The following ARSH variants were observed in gnomAD, a reference collection of about 807,000 sequenced individuals.
ARSH encodes the protein arylsulfatase H.
A neutral mutation model predicts 28.7 loss-of-function variants in ARSH; 32 were observed. The observed-to-expected ratio is 1.11, with a 90% confidence interval of 0.84 to 1.50. The LOEUF is 1.50. Ranked by LOEUF, ARSH falls within the 40% of genes most tolerant of loss-of-function variation. ARSH has a pLI of 0.00. For missense variants in ARSH, 440 were observed against 452.4 expected (o/e 0.97, Z 0.25); for synonymous variants, 176 against 177.3 (o/e 0.99, Z 0.06).
At chrX:3,013,540 T>C (rs1289208983) in intron 3 of ARSH, among the ~76,000 whole-genome samples, 1 of 101,322 alleles carries the variant, frequency 9.9e-6, no homozygotes, top group Non-Finnish European at 2.0e-5. Context: ...ATGGAGGCAA[T>C]TGCTGGTCGA....
At chrX:3,009,905 A>G in intron 1 of ARSH, 125 bp from the exon 2 acceptor site, 2 of 844,567 alleles carry the variant, frequency 2.4e-6, no homozygotes, top group Non-Finnish European at 3.3e-6. Flanking sequence ...AAAGTTTTAA[A>G]AAGATGGATT....
At chrX:3,026,216 C>T (rs757396234) in intron 6 of ARSH, among the ~76,000 whole-genome samples, 2 of 110,783 alleles carry the variant, frequency 1.8e-5, no homozygotes, top group Admixed American at 9.7e-5. Flanking sequence ...GAGGGAGGCT[C>T]GCTTGAGCCC....
chrX:3,008,061 AC>A (rs1386315646), intron 1 of ARSH, among the ~76,000 whole-genome samples: 1 of 112,119 alleles, frequency 8.9e-6, no homozygotes, highest in Admixed American at 9.5e-5. Context: ...TGGGAGGGAC[AC>A]AATTTAGCTC....
chrX:3,021,526 G>T (rs956258733), intron 5 of ARSH, among the ~76,000 whole-genome samples: 10 of 110,838 alleles, frequency 9.0e-5, no homozygotes, highest in African/African-American at 3.3e-4. Context: ...AACAATATGA[G>T]TATAAAACTC....
At position 3,006,681 on chromosome X, in the gene ARSH, C is replaced by T. The variant is rs745367769; in HGVS notation, c.69C>T (p.Cys23=). 4.1e-6 allele frequency: 5 copies of T among 1,207,716 alleles called. No individual in the cohort carries two copies. The South Asian group carries it at 7.1e-5, about 17-fold the overall frequency. ...MADDLGVGDL[C]CYGNNSVSTP... ...ATGACCTTGGAGTGGGGGATTTGTG[C>T]TGCTACGGTAATAACTCAGTGAGGT... Residue 23 remains cysteine (C), a synonymous_variant, in exon 1 of 9, where the codon TGC becomes TGT. Transcript: ENST00000381130.
chrX:3,028,881 C>T (rs1471356490), intron 7 of ARSH, among the ~76,000 whole-genome samples: 3 of 109,754 alleles, frequency 2.7e-5, no homozygotes, highest in Non-Finnish European at 3.8e-5. Flanking sequence ...AGTTCGAGAC[C>T]AGCCTGGCCA....
intron 2 of ARSH, among the ~76,000 whole-genome samples, chrX:3,010,465 G>T (rs1340375377): frequency 8.9e-6 from 1 of 111,806 alleles, no homozygotes; most frequent in Non-Finnish European, 1.9e-5. Context: ...CTTTAAGCTA[G>T]CAGAGACCAT....
chrX:3,017,556 AAAAT>A (rs1471457339), intron 4 of ARSH, among the ~76,000 whole-genome samples: 4 of 112,100 alleles, frequency 3.6e-5, no homozygotes, highest in Non-Finnish European at 7.5e-5. Context: ...ACTTTGTCTC[AAAAT>A]AAATAAATAC....
intron 5 of ARSH, among the ~76,000 whole-genome samples, chrX:3,020,674 A>C (rs1228912183): frequency 1.8e-5 from 2 of 110,918 alleles, no homozygotes; most frequent in African/African-American, 6.5e-5. Flanking sequence ...AATGGGGAGA[A>C]AAAAGGAATG....
At chrX:3,013,489 T>G (rs189330412) in intron 3 of ARSH, among the ~76,000 whole-genome samples, 1,138 of 107,568 alleles carry the variant, frequency 0.011, 24 homozygotes, top group African/African-American at 0.036. Flanking sequence ...TGTAGAGAAG[T>G]ACTGTTGAAA....
In ARSH at chrX:3,018,558, C is replaced by CT. The variant is rs747035216; in HGVS notation, c.796dup (p.Ser266PhefsTer20). 13 of 1,210,603 alleles carry CT rather than the reference C, an allele frequency of 1.1e-5. No individual in the cohort carries two copies. The highest frequency in any genetic ancestry group is 1.1e-4 in the South Asian group (6 of 56,809). On this transcript the variant is annotated frameshift_variant, in exon 5 of 9. Transcript: ENST00000381130. LOFTEE classifies it high-confidence loss of function. ...GGTACAAAAGGGAACCTTTTCTCCT[C>CT]TTTTTTTCCTTCCTGCACGTACATA...
chrX:3,018,498 T>C (rs770899753), intron 4 of ARSH, 36 bp from the exon 5 acceptor site: 1 of 1,189,571 alleles, frequency 8.4e-7, no homozygotes, highest in South Asian at 1.8e-5. Context: ...GACTTCATAT[T>C]TGTGAAGGTA....
chrX:3,017,831 A>C (rs2089870059), intron 4 of ARSH, among the ~76,000 whole-genome samples: 1 of 111,978 alleles, frequency 8.9e-6, no homozygotes, highest in Admixed American at 9.5e-5. Context: ...GTCTGTCCTT[A>C]AGATATGATT....
At chrX:3,019,860 C>T (rs2089876716) in intron 5 of ARSH, among the ~76,000 whole-genome samples, 1 of 110,973 alleles carries the variant, frequency 9.0e-6, no homozygotes, top group South Asian at 3.8e-4. Flanking sequence ...CTAGTGGTGT[C>T]GGATAGGACA....
intron 1 of ARSH, among the ~76,000 whole-genome samples, chrX:3,007,247 TAA>T (rs60947162): frequency 0.062 from 5,710 of 92,058 alleles, 182 homozygotes; most frequent in African/African-American, 0.11. Flanking sequence ...AGACTCTGTT[TAA>T]AAAAAAAAAA....
intron 3 of ARSH, 77 bp from the exon 4 acceptor site, chrX:3,014,893 G>T: frequency 9.9e-7 from 1 of 1,009,317 alleles, no homozygotes; most frequent in East Asian, 3.1e-5. Flanking sequence ...CTTTTCCAAA[G>T]GGAAGCCCAC....
rs970396921 is a variant in ARSH, at chrX:3,033,547, A to C, written c.*162A>C. On this transcript the variant is annotated 3_prime_UTR_variant, in exon 9 of 9. Transcript: ENST00000381130. ...TCTTTCAAGAGCTCGGTGAAATTAAAGTGGGCCCATATAACAGTGAACCTG... is the reference window on the plus strand; with the variant it reads ...TCTTTCAAGAGCTCGGTGAAATTAACGTGGGCCCATATAACAGTGAACCTG... 1.1e-5 allele frequency: 6 copies of C among 535,133 alleles called. No individual in the cohort carries two copies. The African/African-American group carries it at 1.4e-4, about 13-fold the overall frequency. The allele number at this position is 535,133 out of a possible 1,213,427, so 44.1% of individuals were successfully genotyped here. A position where few individuals can be genotyped will look rare whatever the true frequency, so the allele number is the denominator to read the frequency against.
chrX:3,026,775 G>A (rs1220194246), intron 6 of ARSH, among the ~76,000 whole-genome samples: 1 of 112,061 alleles, frequency 8.9e-6, no homozygotes, highest in African/African-American at 3.2e-5. Flanking sequence ...GGGAAATCAC[G>A]GGGTAAAGTT....
In ARSH at chrX:3,029,230, C is replaced by A; in HGVS notation, c.1200-17C>A. On this transcript the variant is annotated splice_polypyrimidine_tract_variant and intron_variant, in intron 7 of 8. Transcript: ENST00000381130. ...TGCCTCTCTCATCACCTTCTACACA[C>A]CCCCTTCTCTCCCAAGAGTGATTGA... 2 of 1,205,915 alleles carry A rather than the reference C, an allele frequency of 1.7e-6. No homozygotes were observed. The highest frequency in any genetic ancestry group is 2.2e-6 in the Non-Finnish European group (2 of 892,553).
Sources: allele counts gnomAD v4.1 joint callset (sites outside exome capture counted in the v4.1 genomes callset), GRCh38; gene constraint gnomAD v4.1.1; transcripts MANE v1.5; gene names NCBI Gene and HGNC (gene_info 2026-07-23, HGNC 2026-07-21).